The following PCCA variants were observed in gnomAD, a reference collection of about 807,000 sequenced individuals.
PCCA encodes the protein propionyl-CoA carboxylase subunit alpha, also known as propionyl-CoA carboxylase alpha chain, mitochondrial.
Under a neutral mutation model 101.3 loss-of-function variants are expected in PCCA, and 74 were observed. That is an observed-to-expected ratio of 0.73 (90% CI 0.61 to 0.89). The LOEUF is 0.89. PCCA is among the 40% of genes least tolerant of loss of function. The pLI is 0.00. For missense variants in PCCA, 891 were observed against 907.0 expected (o/e 0.98, Z 0.23); for synonymous variants, 294 against 313.6 (o/e 0.94, Z 0.66).
chr13:100,322,186 A>G (rs1486585147), intron 16 of PCCA, among the ~76,000 whole-genome samples: 1 of 152,228 alleles, frequency 6.6e-6, no homozygotes, highest in Non-Finnish European at 1.5e-5. Flanking sequence ...ACTCCGTTTG[A>G]ATTGCCAAAG....
At chr13:100,138,442 C>T (rs1433616344) in intron 4 of PCCA, among the ~76,000 whole-genome samples, 3 of 152,126 alleles carry the variant, frequency 2.0e-5, no homozygotes, top group African/African-American at 4.8e-5. Context: ...GCATTGAAAA[C>T]CCCATCAGAC....
chr13:100,325,637 G>A (rs1404177022), intron 16 of PCCA, among the ~76,000 whole-genome samples: 2 of 152,188 alleles, frequency 1.3e-5, no homozygotes, highest in African/African-American at 4.8e-5. Flanking sequence ...CTGTTGTTCT[G>A]TGCAAATGCA....
At chr13:100,522,182 G>A (rs1299129979) in intron 22 of PCCA, among the ~76,000 whole-genome samples, 1 of 152,140 alleles carries the variant, frequency 6.6e-6, no homozygotes, top group Non-Finnish European at 1.5e-5. Flanking sequence ...AGTGACCCAG[G>A]GTTCCTTGCA....
chr13:100,096,016 C>G (rs2046739859), intron 1 of PCCA, among the ~76,000 whole-genome samples: 1 of 152,124 alleles, frequency 6.6e-6, no homozygotes, highest in African/African-American at 2.4e-5. Flanking sequence ...TGCTAGGGCA[C>G]TGGAGTTGCT....
chr13:100,166,208 A>G (rs535596184), intron 6 of PCCA, among the ~76,000 whole-genome samples: 10 of 152,226 alleles, frequency 6.6e-5, no homozygotes, highest in African/African-American at 2.4e-4. Flanking sequence ...AGAATTTTAT[A>G]TAGGTGGAAT....
intron 2 of PCCA, among the ~76,000 whole-genome samples, chr13:100,104,948 C>T (rs1463910214): frequency 6.6e-6 from 1 of 152,074 alleles, no homozygotes; most frequent in Non-Finnish European, 1.5e-5. Context: ...AAATGTCTTC[C>T]TGCCTCAGCC....
intron 12 of PCCA, among the ~76,000 whole-genome samples, chr13:100,284,051 G>T (rs370943484): frequency 0.013 from 1,981 of 152,128 alleles, 33 homozygotes; most frequent in South Asian, 0.044. Flanking sequence ...ACTATTGAGG[G>T]CCAGGAAATT....
chr13:100,371,068 G>T (rs1000450401), intron 19 of PCCA, among the ~76,000 whole-genome samples: 4 of 152,016 alleles, frequency 2.6e-5, no homozygotes, highest in Admixed American at 2.6e-4. Flanking sequence ...TTCCATACAG[G>T]TCTCCTATTT....
At chr13:100,437,504 A>G (rs2080024830) in intron 20 of PCCA, among the ~76,000 whole-genome samples, 1 of 151,660 alleles carries the variant, frequency 6.6e-6, no homozygotes, top group African/African-American at 2.4e-5. Flanking sequence ...ATTTAAGGAA[A>G]ATGAAATAAC....
chr13:100,121,237 A>C (rs1594206118), intron 4 of PCCA, among the ~76,000 whole-genome samples: 1 of 141,754 alleles, frequency 7.1e-6, no homozygotes, highest in Non-Finnish European at 1.5e-5. Context: ...GCCCACTGCA[A>C]CCTCCACCTC....
intron 12 of PCCA, among the ~76,000 whole-genome samples, chr13:100,281,858 A>G (rs1006293108): frequency 1.3e-5 from 2 of 152,226 alleles, no homozygotes; most frequent in Non-Finnish European, 2.9e-5. Context: ...AAATAATGCA[A>G]TTATGAGTGA....
At chr13:100,276,070 G>T (rs540952725) in intron 12 of PCCA, among the ~76,000 whole-genome samples, 1 of 151,838 alleles carries the variant, frequency 6.6e-6, no homozygotes, top group South Asian at 2.1e-4. Flanking sequence ...CATGAAATGC[G>T]TTTTTACTCT....
At chr13:100,452,636 G>A (rs1236931716) in intron 21 of PCCA, among the ~76,000 whole-genome samples, 1 of 144,514 alleles carries the variant, frequency 6.9e-6, no homozygotes, top group Non-Finnish European at 1.5e-5. Flanking sequence ...ATTCCCCCTC[G>A]CCCACTTTAT....
At chr13:100,297,208 T>C (rs761729188) in intron 12 of PCCA, among the ~76,000 whole-genome samples, 17 of 152,316 alleles carry the variant, frequency 1.1e-4, no homozygotes, top group Non-Finnish European at 2.2e-4. Flanking sequence ...TCTCTGGCGT[T>C]TCTACACTGT....
At chr13:100,408,787 C>T (rs909559640) in intron 19 of PCCA, among the ~76,000 whole-genome samples, 5 of 151,944 alleles carry the variant, frequency 3.3e-5, no homozygotes, top group African/African-American at 7.3e-5. Context: ...GTGATAGTTC[C>T]GGGGTGGGGG....
chr13:100,260,028 G>A (rs1301836971), intron 9 of PCCA, among the ~76,000 whole-genome samples: 2 of 152,074 alleles, frequency 1.3e-5, no homozygotes, highest in African/African-American at 2.4e-5. Context: ...GTGGTGTTCT[G>A]GGTTTAAATG....
chr13:100,402,396 GT>G (rs1164347185), intron 19 of PCCA, among the ~76,000 whole-genome samples: 7 of 151,910 alleles, frequency 4.6e-5, no homozygotes, highest in Non-Finnish European at 1.0e-4. Context: ...TTAAAACATA[GT>G]TTTTTAGCAA....
intron 6 of PCCA, among the ~76,000 whole-genome samples, chr13:100,194,222 C>T (rs2152454041): frequency 6.6e-6 from 1 of 152,170 alleles, no homozygotes; most frequent in Non-Finnish European, 1.5e-5. Flanking sequence ...TTTACCTAAA[C>T]TATATGACTC....
At chr13:100,453,112 AG>A (rs1369775788) in intron 21 of PCCA, among the ~76,000 whole-genome samples, 2 of 152,156 alleles carry the variant, frequency 1.3e-5, no homozygotes, top group Admixed American at 1.3e-4. Context: ...GAGCCCAGGG[AG>A]GTCGAGGCTA....
Sources: gnomAD v4.1 joint callset for allele counts (sites outside exome capture counted in the v4.1 genomes callset) on GRCh38, gnomAD v4.1.1 for gene constraint, MANE v1.5 for transcripts, NCBI Gene and HGNC (gene_info 2026-07-23, HGNC 2026-07-21) for gene names.